Variants in ASAH2 observed in about 807,000 individuals in gnomAD.
ASAH2 encodes the protein neutral ceramidase.
In ASAH2, 58 loss-of-function variants were observed where a neutral mutation model predicts 82.9. The ratio of observed to expected loss-of-function variants is 0.70; its 90% confidence interval spans 0.57 to 0.87. The LOEUF is 0.87. Among genes scored for constraint, ASAH2 ranks in the 40% least tolerant of loss-of-function variants. ASAH2 has a pLI of 0.00. For synonymous variants in ASAH2, 276 were observed against 289.7 expected, an observed-to-expected ratio of 0.95 and a Z score of 0.48; for missense variants, 779 against 834.0, an observed-to-expected ratio of 0.93 and a Z score of 0.81.
intron 15 of ASAH2, among the ~76,000 whole-genome samples, chr10:50,203,146 G>T (rs1438258867): frequency 1.3e-5 from 2 of 151,892 alleles, no homozygotes; most frequent in Non-Finnish European, 2.9e-5. Context: ...CTAAAATAGG[G>T]ATTTAAAAAA....
At chr10:50,248,937 A>G (rs190810900) in intron 1 of ASAH2, among the ~76,000 whole-genome samples, 1 of 152,200 alleles carries the variant, frequency 6.6e-6, no homozygotes, top group South Asian at 2.1e-4. Context: ...ATCTATTTGC[A>G]TTCCTCAGCC....
chr10:50,216,341 A>G (rs1190868223), intron 8 of ASAH2, among the ~76,000 whole-genome samples: 1 of 152,162 alleles, frequency 6.6e-6, no homozygotes, highest in Non-Finnish European at 1.5e-5. Flanking sequence ...ATATTCTGAG[A>G]AAACTTTTTA....
At chr10:50,213,719 A>C (rs1355990490) in intron 9 of ASAH2, among the ~76,000 whole-genome samples, 5 of 152,168 alleles carry the variant, frequency 3.3e-5, no homozygotes, top group Non-Finnish European at 7.4e-5. Flanking sequence ...CAAAAGACAT[A>C]AATAAGACAG....
chr10:50,213,927 T>G (rs1272294641), intron 9 of ASAH2, among the ~76,000 whole-genome samples: 1 of 152,126 alleles, frequency 6.6e-6, no homozygotes, highest in African/African-American at 2.4e-5. Context: ...AGGTGAAATG[T>G]TCTACAAACA....
intron 15 of ASAH2, 66 bp from the exon 16 acceptor site, chr10:50,202,990 T>C: frequency 9.3e-7 from 1 of 1,073,766 alleles, no homozygotes. Flanking sequence ...CATTCTGTTA[T>C]CCTTAACACA....
At chr10:50,210,754 C>A (rs891289857) in intron 12 of ASAH2, 69 bp downstream of exon 12, 1 of 1,271,674 alleles carries the variant, frequency 7.9e-7, no homozygotes, top group Non-Finnish European at 1.2e-6. Flanking sequence ...TACAATGAAA[C>A]CTGATCAGAG....
At chr10:50,234,144 G>GACC (rs905950704) in intron 6 of ASAH2, among the ~76,000 whole-genome samples, 10 of 152,024 alleles carry the variant, frequency 6.6e-5, no homozygotes, top group African/African-American at 2.4e-4. Context: ...ACTAAGCTGA[G>GACC]ACCACAGTTG....
At chr10:50,247,966 C>T (rs555419434) in intron 2 of ASAH2, among the ~76,000 whole-genome samples, 18 of 152,310 alleles carry the variant, frequency 1.2e-4, no homozygotes, top group African/African-American at 4.1e-4. Flanking sequence ...GCCTTCTTCA[C>T]AAGAATTGCA....
intron 7 of ASAH2, among the ~76,000 whole-genome samples, chr10:50,220,423 AC>A (rs1182553309): frequency 6.6e-6 from 1 of 152,206 alleles, no homozygotes; most frequent in African/African-American, 2.4e-5. Context: ...GTACATATAC[AC>A]CGTGGAATAC....
chr10:50,228,269 A>G (rs1845939690), intron 7 of ASAH2, among the ~76,000 whole-genome samples: 1 of 152,202 alleles, frequency 6.6e-6, no homozygotes. Flanking sequence ...AGACAAGATG[A>G]GATGAAAAAA....
intron 7 of ASAH2, among the ~76,000 whole-genome samples, chr10:50,230,275 A>G (rs1342379586): frequency 9.2e-5 from 14 of 152,258 alleles, no homozygotes; most frequent in African/African-American, 3.4e-4. Flanking sequence ...TGTGAAGAAG[A>G]TAGTCTTGGC....
rs1845428943 is a variant in ASAH2 at position 50,210,687 on chromosome 10, T to C, written c.1414+136A>G. The C allele has an allele frequency of 7.1e-6, 6 of 842,252 alleles. No homozygotes were observed. The Admixed American group carries it at 7.7e-5, about 11-fold the overall frequency. 52.2% of individuals were successfully genotyped at this position (842,252 alleles called of 1,614,324 possible). A position where few individuals can be genotyped will look rare whatever the true frequency, so the allele number is the denominator to read the frequency against. ...GGGCAGCGGGTGCGGTACATGGTCA[T>C]GTACAAACCTGGAAAACCAGCAGAC... On this transcript the variant is annotated intron_variant, in intron 12 of 20. Transcript: ENST00000682911.
intron 7 of ASAH2, among the ~76,000 whole-genome samples, chr10:50,219,582 T>TA (rs1845691035): frequency 7.9e-5 from 12 of 152,234 alleles, no homozygotes; most frequent in African/African-American, 2.9e-4. Flanking sequence ...AACTTAGAAT[T>TA]TAAAAAAAAA....
rs945679399 is a variant in ASAH2, at chr10:50,240,668, C to G, written c.510+2534G>C. The G allele has an allele frequency of 2.3e-5, 16 of 693,026 alleles. No individual in the cohort carries two copies. The African/African-American group carries it at 2.8e-4, about 12-fold the overall frequency. 42.9% of individuals were successfully genotyped at this position (693,026 alleles called of 1,614,324 possible). A position where few individuals can be genotyped will look rare whatever the true frequency, so the allele number is the denominator to read the frequency against. On this transcript the variant is annotated intron_variant, in intron 4 of 20. Coordinates refer to ENST00000682911, the MANE Select transcript of ASAH2 (RefSeq NM_019893.4). ...TATGTCCTAATAGATCTCCTCTGTTCCCTCATGAAAGAGTCTACATCCCTC... is the reference window on the plus strand; with the variant it reads ...TATGTCCTAATAGATCTCCTCTGTTGCCTCATGAAAGAGTCTACATCCCTC...
chr10:50,234,157 C>T (rs1846087103), intron 6 of ASAH2, among the ~76,000 whole-genome samples: 1 of 152,048 alleles, frequency 6.6e-6, no homozygotes, highest in Non-Finnish European at 1.5e-5. Flanking sequence ...CACAGTTGTT[C>T]CTGATTTCAA....
At chr10:50,241,320 C>A (rs190475293) in intron 4 of ASAH2, among the ~76,000 whole-genome samples, 6 of 152,212 alleles carry the variant, frequency 3.9e-5, no homozygotes, top group African/African-American at 1.4e-4. Context: ...CAGTAATAGA[C>A]AATTACTATC....
At chr10:50,219,032 C>T (rs1368251970) in intron 7 of ASAH2, among the ~76,000 whole-genome samples, 3 of 152,182 alleles carry the variant, frequency 2.0e-5, no homozygotes, top group Non-Finnish European at 4.4e-5. Flanking sequence ...ACTGAATAAA[C>T]TGTGGTTTAC....
rs1008883625 is a variant in ASAH2, at chr10:50,236,001, C to T, written c.574G>A (p.Gly192Ser). 2.5e-6 allele frequency: 4 copies of T among 1,613,292 alleles called. No individual in the cohort carries two copies. Among genetic ancestry groups the T allele is most frequent in the South Asian group, 2.2e-5 (2 of 91,060 alleles). The change falls in exon 5 of 21, where the codon GGC (glycine) becomes AGC (serine). Residue 192 changes from glycine (G) to serine (S), a missense_variant. This residue lies in a region of ASAH2 where 759 missense variants were observed against 755.2 expected (regional missense o/e 1.00). Coordinates refer to ENST00000682911, the MANE Select transcript of ASAH2 (RefSeq NM_019893.4). ...GCAGGACCTGAATGAGTGTGAGTGC[C>T]ACTCAGGATGACATTATCTCTTCTG... ...LYRRDNVILS[G>S]THTHSGPAGY...
At position 50,248,660 on chromosome 10, in the gene ASAH2, A is replaced by C; in HGVS notation, c.-36-14T>G. On this transcript the variant is annotated splice_polypyrimidine_tract_variant and intron_variant, in intron 1 of 20. Transcript: ENST00000682911. Reference sequence around the variant, plus strand: ...GAAGAAGAAATACTGAAGAGGAAGAAATCACAAATTAAAATGCAAATGCTT... The same window carrying C: ...GAAGAAGAAATACTGAAGAGGAAGACATCACAAATTAAAATGCAAATGCTT... The C allele has an allele frequency of 1.3e-6, 2 of 1,575,560 alleles. No homozygotes were observed. Among genetic ancestry groups the C allele is most frequent in the Non-Finnish European group, 1.7e-6 (2 of 1,157,742 alleles).
Sources: gnomAD v4.1 joint callset for allele counts (sites outside exome capture counted in the v4.1 genomes callset) on GRCh38, gnomAD v4.1.1 for gene constraint, gnomAD v4.1.1 regional missense constraint, MANE v1.5 for transcripts, NCBI Gene and HGNC (gene_info 2026-07-23, HGNC 2026-07-21) for gene names.